The following CNTN1 variants were observed in gnomAD, a reference collection of about 807,000 sequenced individuals.
CNTN1 encodes contactin 1.
Under a neutral mutation model 126.4 loss-of-function variants are expected in CNTN1, and 38 were observed. The ratio of observed to expected loss-of-function variants is 0.30; its 90% confidence interval spans 0.23 to 0.39. The LOEUF (loss-of-function observed/expected upper bound fraction) is 0.39, where lower values mean the gene tolerates loss of function less well. Ranked by LOEUF, CNTN1 falls within the 10% of genes least tolerant of loss-of-function variation. The pLI, the probability that CNTN1 is intolerant of heterozygous loss-of-function variation, is 1.00. For missense variants in CNTN1, 1,009 were observed against 1,248.4 expected, an observed-to-expected ratio of 0.81 and a Z score of 2.89; for synonymous variants, 413 against 422.6, an observed-to-expected ratio of 0.98 and a Z score of 0.28.
chr12:40,786,298 C>G (rs1222289160), intron 1 of CNTN1, among the ~76,000 whole-genome samples: 1 of 152,172 alleles, frequency 6.6e-6, no homozygotes, highest in Non-Finnish European at 1.5e-5. Context: ...ACCACCTCTT[C>G]ATCTTCAAAG....
intron 1 of CNTN1, among the ~76,000 whole-genome samples, chr12:40,723,139 A>C (rs957462668): frequency 9.9e-5 from 15 of 152,184 alleles, no homozygotes; most frequent in African/African-American, 3.1e-4. Context: ...AGCCTGGCAC[A>C]GAGGAGGTAG....
chr12:40,831,355 G>A (rs1941833469), intron 1 of CNTN1, among the ~76,000 whole-genome samples: 1 of 151,758 alleles, frequency 6.6e-6, no homozygotes, highest in Admixed American at 6.6e-5. Context: ...GGAAATCAGA[G>A]CTTATGTTTA....
rs1944777862 is a variant in CNTN1 at position 40,905,562 on chromosome 12, A to G, written c.-76-2795A>G. On this transcript the variant is annotated intron_variant, in intron 1 of 23. Transcript: ENST00000551295. ...TTATTATTACACAAATTAAGATTTCACTCTGTCACTCAGGCTGGAGTACAG... is the reference window on the plus strand; with the variant it reads ...TTATTATTACACAAATTAAGATTTCGCTCTGTCACTCAGGCTGGAGTACAG... Among the ~76,000 whole-genome samples the G allele has an allele frequency of 2.0e-5, 3 of 152,132 alleles. No individual in the cohort carries two copies. In the South Asian group the frequency reaches 6.2e-4, roughly 31 times the overall value.
At chr12:40,820,875 T>C (rs925866930) in intron 1 of CNTN1, among the ~76,000 whole-genome samples, 3 of 152,184 alleles carry the variant, frequency 2.0e-5, no homozygotes, top group Non-Finnish European at 4.4e-5. Context: ...TGTTTATTTA[T>C]TGTTTGTTTT....
chr12:40,792,726 A>C (rs1940266484), intron 1 of CNTN1, among the ~76,000 whole-genome samples: 1 of 151,968 alleles, frequency 6.6e-6, no homozygotes, highest in Non-Finnish European at 1.5e-5. Context: ...GGGTCTTTTT[A>C]GTTTTAATTG....
intron 1 of CNTN1, among the ~76,000 whole-genome samples, chr12:40,769,126 A>C (rs1199836699): frequency 6.6e-6 from 1 of 152,162 alleles, no homozygotes; most frequent in Non-Finnish European, 1.5e-5. Flanking sequence ...GATATACCAT[A>C]GTGCATCTGT....
intron 1 of CNTN1, among the ~76,000 whole-genome samples, chr12:40,891,608 T>C (rs1356851265): frequency 6.6e-6 from 1 of 152,172 alleles, no homozygotes; most frequent in Non-Finnish European, 1.5e-5. Context: ...TGCGCATGGA[T>C]GTCCAGTTAT....
chr12:40,845,004 T>C (rs1942447401), intron 1 of CNTN1, among the ~76,000 whole-genome samples: 1 of 152,224 alleles, frequency 6.6e-6, no homozygotes, highest in Admixed American at 6.5e-5. Flanking sequence ...AACATGTATA[T>C]TTCTTAGATC....
intron 23 of CNTN1, among the ~76,000 whole-genome samples, chr12:41,038,539 A>C (rs1190547674): frequency 6.6e-6 from 1 of 152,068 alleles, no homozygotes; most frequent in Non-Finnish European, 1.5e-5. Flanking sequence ...TAATGACTTT[A>C]TTGAAAGACC....
rs1946125977 is a variant in CNTN1, at chr12:40,937,633, A to G, written c.1174A>G (p.Ile392Val). The G allele has an allele frequency of 3.7e-6, 6 of 1,613,206 alleles. No homozygotes were observed. Among genetic ancestry groups the G allele is most frequent in the Non-Finnish European group, 3.4e-6 (4 of 1,179,390 alleles). Residue 392 changes from isoleucine (I) to valine (V), a missense_variant, in exon 11 of 24, where the codon ATA (isoleucine) becomes GTA (valine). Transcript: ENST00000551295. ...TFENAGMYQC[I>V]AENTYGAIYA... ...TGAAAATGCCGGAATGTATCAGTGC[A>G]TAGCTGAAAACACATATGGAGCCAT...
intron 3 of CNTN1, among the ~76,000 whole-genome samples, chr12:40,911,738 T>C (rs1945045200): frequency 6.6e-6 from 1 of 152,184 alleles, no homozygotes; most frequent in Admixed American, 6.5e-5. Flanking sequence ...TGCTTGTTTT[T>C]TTTCTTGTAT....
intron 1 of CNTN1, among the ~76,000 whole-genome samples, chr12:40,704,824 G>A (rs1165257325): frequency 6.6e-6 from 1 of 152,104 alleles, no homozygotes; most frequent in African/African-American, 2.4e-5. Context: ...TCACCAGGCT[G>A]AGAATTTTTT....
chr12:40,759,999 C>T (rs558156687), intron 1 of CNTN1, among the ~76,000 whole-genome samples: 1 of 152,118 alleles, frequency 6.6e-6, no homozygotes, highest in African/African-American at 2.4e-5. Context: ...CAGTTAGCCA[C>T]GGGGGTCCAC....
rs992189368 is a variant in CNTN1, at chr12:40,971,752, A to G, written c.1805-9157A>G. On this transcript the variant is annotated intron_variant, in intron 15 of 23. Transcript: ENST00000551295. ...AGTGAACTAACTCAGTACATTATAT[A>G]ATGGCCAAGTGAAAGTTTTGTGTTT... 2.6e-5 allele frequency: 33 copies of G among 1,253,184 alleles called. No individual in the cohort carries two copies. In the East Asian group the frequency reaches 1.3e-3, roughly 48 times the overall value. The allele number at this position is 1,253,184 out of a possible 1,614,324, so 77.6% of individuals were successfully genotyped here.
chr12:41,070,146 A>T lies in CNTN1; in HGVS notation c.*111A>T. ...GGCTCCATCCTAAGCCAAATAAATT[A>T]TACTTTAACAAACTATTCAACTGAT... On this transcript the variant is annotated 3_prime_UTR_variant, in exon 24 of 24. Transcript: ENST00000551295. 2.2e-6 allele frequency: 2 copies of T among 919,488 alleles called. No homozygotes were observed. 57.0% of individuals were successfully genotyped at this position (919,488 alleles called of 1,614,324 possible). A position where few individuals can be genotyped will look rare whatever the true frequency, so the allele number is the denominator to read the frequency against.
intron 9 of CNTN1, 111 bp from the exon 10 acceptor site, chr12:40,936,670 A>C (rs981525660): frequency 4.4e-5 from 59 of 1,342,728 alleles, no homozygotes; most frequent in Non-Finnish European, 5.6e-5. Context: ...TGCATACACT[A>C]TCTGATGTAT....
At chr12:40,848,096 G>C (rs992321092) in intron 1 of CNTN1, among the ~76,000 whole-genome samples, 6 of 152,094 alleles carry the variant, frequency 3.9e-5, no homozygotes, top group Non-Finnish European at 8.8e-5. Flanking sequence ...CATACCACTC[G>C]GCAGCCTGGG....
chr12:40,804,963 T>G (rs1354906939), intron 1 of CNTN1, among the ~76,000 whole-genome samples: 3 of 152,068 alleles, frequency 2.0e-5, no homozygotes, highest in Non-Finnish European at 4.4e-5. Flanking sequence ...CGTTTCCTTC[T>G]TCAAAGATAT....
intron 1 of CNTN1, among the ~76,000 whole-genome samples, chr12:40,727,680 T>G (rs972530082): frequency 7.2e-5 from 11 of 152,262 alleles, no homozygotes; most frequent in African/African-American, 2.6e-4. Context: ...ATAGACAAAT[T>G]GTTGAAAAAT....
Sources: allele counts gnomAD v4.1 joint callset (sites outside exome capture counted in the v4.1 genomes callset), GRCh38; gene constraint gnomAD v4.1.1; transcripts MANE v1.5; gene names NCBI Gene and HGNC (gene_info 2026-07-23, HGNC 2026-07-21).